Variants in ADAMTS12 observed in about 807,000 individuals in gnomAD.
ADAMTS12 encodes the protein A disintegrin and metalloproteinase with thrombospondin motifs 12.
ADAMTS12 carries 118 observed loss-of-function variants against 167.8 expected under a neutral mutation model. That is an observed-to-expected ratio of 0.70 (90% confidence interval 0.61 to 0.82). The LOEUF (loss-of-function observed/expected upper bound fraction) is 0.82, where lower values mean the gene tolerates loss of function less well. ADAMTS12 is among the 40% of genes least tolerant of loss of function. The probability of loss-of-function intolerance (pLI) is 0.00; values close to 1 mark genes in which losing one functional copy is unlikely to be tolerated. For synonymous variants in ADAMTS12, 704 were observed against 716.9 expected (o/e 0.98, Z 0.29); for missense variants, 1,916 against 1,998.8 (o/e 0.96, Z 0.79).
At chr5:33,592,169 C>T (rs538679892) in intron 17 of ADAMTS12, among the ~76,000 whole-genome samples, 70 of 152,066 alleles carry the variant, frequency 4.6e-4, no homozygotes, top group African/African-American at 1.5e-3. Flanking sequence ...GCGGAGGTTG[C>T]GGTGAGCCGA....
intron 3 of ADAMTS12, among the ~76,000 whole-genome samples, chr5:33,689,197 T>C (rs1010849251): frequency 2.0e-5 from 3 of 152,200 alleles, no homozygotes; most frequent in South Asian, 4.1e-4. Context: ...CATTAAAACA[T>C]GTAGTAAATC....
chr5:33,658,116 T>C (rs1561198689), intron 7 of ADAMTS12, 68 bp downstream of exon 7: 5 of 1,584,206 alleles, frequency 3.2e-6, no homozygotes, highest in Middle Eastern at 3.7e-4. Context: ...TGTGTTCACC[T>C]CAAATTCTCT....
chr5:33,720,266 C>CCT lies in ADAMTS12; in HGVS notation c.634+31136_634+31137dup, dbSNP rs33953882. ...AAAATGTTAATAGTTTCCATTCACCCCTCTCTCTCTCTCTCACTCACACAC... is the reference window on the plus strand; with the variant it reads ...AAAATGTTAATAGTTTCCATTCACCCCTCTCTCTCTCTCTCTCACTCACACAC... On this transcript the variant is annotated intron_variant, in intron 3 of 23. Transcript: ENST00000504830. Among the ~76,000 whole-genome samples, 281 of 103,928 alleles carry CCT rather than the reference C, an allele frequency of 2.7e-3. 1 individual carries two copies. Among genetic ancestry groups the CCT allele is most frequent in the African/African-American group, 8.7e-3 (237 of 27,316 alleles). 68.2% of individuals were successfully genotyped at this position (103,928 alleles called of 152,430 possible). A position where few individuals can be genotyped will look rare whatever the true frequency, so the allele number is the denominator to read the frequency against.
intron 3 of ADAMTS12, among the ~76,000 whole-genome samples, chr5:33,719,097 A>G (rs1743713810): frequency 6.6e-6 from 1 of 152,084 alleles, no homozygotes; most frequent in South Asian, 2.1e-4. Flanking sequence ...GATTGTGCTC[A>G]TTTTGTCACT....
intron 17 of ADAMTS12, among the ~76,000 whole-genome samples, chr5:33,593,885 C>T (rs1747773264): frequency 1.3e-5 from 2 of 152,164 alleles, no homozygotes; most frequent in Admixed American, 6.5e-5. Flanking sequence ...CAGCCATTTC[C>T]CCTAGGGTAT....
intron 9 of ADAMTS12, among the ~76,000 whole-genome samples, chr5:33,646,373 T>C (rs374452660): frequency 6.6e-6 from 1 of 152,188 alleles, no homozygotes; most frequent in Non-Finnish European, 1.5e-5. Flanking sequence ...ACTTAGATAC[T>C]GGAGACAATG....
intron 2 of ADAMTS12, among the ~76,000 whole-genome samples, chr5:33,847,580 G>A (rs760613566): frequency 2.6e-5 from 4 of 151,456 alleles, no homozygotes; most frequent in African/African-American, 4.9e-5. Flanking sequence ...CCGAGATCGC[G>A]CCATTGCACT....
At chr5:33,557,636 A>C (rs1312737757) in intron 20 of ADAMTS12, among the ~76,000 whole-genome samples, 1 of 152,120 alleles carries the variant, frequency 6.6e-6, no homozygotes, top group Non-Finnish European at 1.5e-5. Context: ...TCTCAAAAAA[A>C]AATTAATTAG....
intron 2 of ADAMTS12, among the ~76,000 whole-genome samples, chr5:33,788,659 A>G (rs560350380): frequency 6.6e-6 from 1 of 152,202 alleles, no homozygotes; most frequent in Non-Finnish European, 1.5e-5. Flanking sequence ...GAATTTCTGC[A>G]GTCATGAAAG....
chr5:33,779,304 G>A (rs1746030983), intron 2 of ADAMTS12, among the ~76,000 whole-genome samples: 1 of 151,136 alleles, frequency 6.6e-6, no homozygotes, highest in Non-Finnish European at 1.5e-5. Context: ...TCCTGCCTCA[G>A]CCTCCTGAGT....
rs367857353 is a variant in ADAMTS12, at chr5:33,661,889, C to T, written c.1040+27G>A. 75 of 1,612,276 alleles carry T rather than the reference C, an allele frequency of 4.7e-5. No homozygotes were observed. The Middle Eastern group carries it at 5.1e-4, about 11-fold the overall frequency. ...GCCATCCCTCCCTGCTTTACTGCCC[C>T]TGGGTTTCATGTAGTCTCTGGTGTA... On this transcript the variant is annotated intron_variant, in intron 6 of 23. Coordinates refer to ENST00000504830, the MANE Select transcript of ADAMTS12 (RefSeq NM_030955.4).
chr5:33,546,051 A>G lies in ADAMTS12; in HGVS notation c.4446+8T>C. ...AAAGTAAAAAAAGTATGTATAACCAAGTCTTACCAGGTCCCAGTTCCCAGT... is the reference window on the plus strand; with the variant it reads ...AAAGTAAAAAAAGTATGTATAACCAGGTCTTACCAGGTCCCAGTTCCCAGT... On this transcript the variant is annotated splice_region_variant and intron_variant, in intron 22 of 23. Transcript: ENST00000504830. The G allele has an allele frequency of 6.2e-7, 1 of 1,604,310 alleles. No individual in the cohort carries two copies. The highest frequency in any genetic ancestry group is 8.5e-7 in the Non-Finnish European group (1 of 1,177,324).
intron 17 of ADAMTS12, 33 bp from the exon 18 acceptor site, chr5:33,588,842 C>A: frequency 1.2e-6 from 2 of 1,606,880 alleles, no homozygotes; most frequent in Non-Finnish European, 1.7e-6. Flanking sequence ...GAGAGAAGAT[C>A]GCCAACTTAC....
intron 1 of ADAMTS12, among the ~76,000 whole-genome samples, chr5:33,885,452 G>C (rs1750602542): frequency 6.6e-6 from 1 of 152,124 alleles, no homozygotes; most frequent in South Asian, 2.1e-4. Flanking sequence ...CTGGGCAACA[G>C]AGTAAGACTC....
chr5:33,535,681 A>G (rs1162424429), intron 22 of ADAMTS12, among the ~76,000 whole-genome samples: 1 of 152,186 alleles, frequency 6.6e-6, no homozygotes, highest in Non-Finnish European at 1.5e-5. Context: ...TTGAATTGCA[A>G]GCAAAGCAGA....
intron 2 of ADAMTS12, among the ~76,000 whole-genome samples, chr5:33,857,349 G>A (rs1749441479): frequency 6.6e-6 from 1 of 151,788 alleles, no homozygotes; most frequent in Non-Finnish European, 1.5e-5. Context: ...GTAAAACAAT[G>A]TGACTGTTGT....
chr5:33,662,080 A>G (rs761490703), intron 5 of ADAMTS12, 40 bp from the exon 6 acceptor site: 1 of 1,598,390 alleles, frequency 6.3e-7, no homozygotes, highest in East Asian at 2.2e-5. Flanking sequence ...GGGAGAGCTC[A>G]CTGTGGTCAG....
At chr5:33,857,759 T>G (rs1017309617) in intron 2 of ADAMTS12, among the ~76,000 whole-genome samples, 2 of 152,206 alleles carry the variant, frequency 1.3e-5, no homozygotes, top group East Asian at 3.8e-4. Context: ...GAGACAGAGA[T>G]AAACATTATA....
At chr5:33,649,321 C>A (rs936996510) in intron 8 of ADAMTS12, among the ~76,000 whole-genome samples, 1 of 152,154 alleles carries the variant, frequency 6.6e-6, no homozygotes, top group Non-Finnish European at 1.5e-5. Context: ...GGGGCAGGAG[C>A]AATCTGGGAT....
Sources: allele counts gnomAD v4.1 joint callset (sites outside exome capture counted in the v4.1 genomes callset), GRCh38; gene constraint gnomAD v4.1.1; transcripts MANE v1.5; gene names NCBI Gene and HGNC (gene_info 2026-07-23, HGNC 2026-07-21).